INTS9: variants seen among roughly 807,000 people sequenced by gnomAD.
The protein encoded by INTS9 is protein related to CPSF subunits of 74 kDa.
A neutral mutation model predicts 79.7 loss-of-function variants in INTS9; 55 were observed. The ratio of observed to expected loss-of-function variants is 0.69; its 90% CI spans 0.56 to 0.86. The LOEUF (loss-of-function observed/expected upper bound fraction) is 0.86. INTS9 is among the 40% of genes least tolerant of loss of function. INTS9 has a pLI of 0.00. For synonymous variants in INTS9, 319 were observed against 325.2 expected, an observed-to-expected ratio of 0.98 and a Z score of 0.20; for missense variants, 721 against 831.5, an observed-to-expected ratio of 0.87 and a Z score of 1.64.
Position 28,768,101 on chromosome 8 carries a change from A to G in INTS9, c.*45T>C, listed in dbSNP as rs1156468145. Reference sequence around the variant, plus strand: ...CCTCAGGTGGCTTGTGAGGGCAGCCAGTGAGGGACTGCAGGATTTCAGGGA... The same window carrying G: ...CCTCAGGTGGCTTGTGAGGGCAGCCGGTGAGGGACTGCAGGATTTCAGGGA... On this transcript the variant is annotated 3_prime_UTR_variant, in exon 17 of 17. Coordinates refer to ENST00000521022, the MANE Select transcript of INTS9 (RefSeq NM_018250.4). 3 of 1,585,760 alleles carry G rather than the reference A, an allele frequency of 1.9e-6. No individual in the cohort carries two copies. Among genetic ancestry groups the G allele is most frequent in the African/African-American group, 1.3e-5 (1 of 74,454 alleles).
At chr8:28,860,781 C>A (rs1372022544) in intron 1 of INTS9, among the ~76,000 whole-genome samples, 1 of 152,180 alleles carries the variant, frequency 6.6e-6, no homozygotes, top group Non-Finnish European at 1.5e-5. Flanking sequence ...GGCGCCCGAC[C>A]CTCTCCTGAT....
At chr8:28,872,125 G>T (rs1426575383) in intron 1 of INTS9, among the ~76,000 whole-genome samples, 1 of 152,076 alleles carries the variant, frequency 6.6e-6, no homozygotes, top group Non-Finnish European at 1.5e-5. Context: ...TTACTCTATG[G>T]GTAAAAACTA....
chr8:28,812,207 G>T (rs895845791), intron 8 of INTS9, 120 bp downstream of exon 8: 1 of 990,710 alleles, frequency 1.0e-6, no homozygotes, highest in Non-Finnish European at 1.5e-6. Flanking sequence ...CTTGGCTAGA[G>T]AGTATCTGTA....
intron 6 of INTS9, among the ~76,000 whole-genome samples, chr8:28,833,489 A>AAC (rs1806619083): frequency 6.6e-6 from 1 of 151,868 alleles, no homozygotes; most frequent in Non-Finnish European, 1.5e-5. Flanking sequence ...GTGTGGTTGC[A>AAC]CACACCTGCA....
intron 10 of INTS9, chr8:28,793,596 C>T (rs1393053981): frequency 8.4e-6 from 4 of 474,808 alleles, no homozygotes; most frequent in African/African-American, 5.8e-5. Context: ...AAGTCTCTGC[C>T]TTGCATTCTT....
chr8:28,808,379 G>A (rs1231561101), intron 8 of INTS9, among the ~76,000 whole-genome samples: 1 of 152,036 alleles, frequency 6.6e-6, no homozygotes, highest in Non-Finnish European at 1.5e-5. Flanking sequence ...TTTTAGTAGA[G>A]ATGGGGTTTC....
Position 28,833,977 on chromosome 8 carries a change from T to C in INTS9, c.488+1315A>G, listed in dbSNP as rs564582002. ...ATTGTTAAGGACTTCCCCATTCCCA[T>C]AGCCAAGGGCCTTATCTCCATTTTA... On this transcript the variant is annotated intron_variant, in intron 6 of 16. Coordinates refer to ENST00000521022, the MANE Select transcript of INTS9 (RefSeq NM_018250.4). Among the ~76,000 whole-genome samples the C allele has an allele frequency of 3.3e-5, 5 of 152,294 alleles. No homozygotes were observed. In the South Asian group the frequency reaches 6.2e-4, roughly 19 times the overall value.
At chr8:28,794,670 A>G (rs1161256173) in intron 9 of INTS9, among the ~76,000 whole-genome samples, 1 of 152,224 alleles carries the variant, frequency 6.6e-6, no homozygotes, top group Non-Finnish European at 1.5e-5. Context: ...CAGTTACATG[A>G]AAAGAATGAA....
At chr8:28,834,896 C>CAT (rs1806713006) in intron 6 of INTS9, among the ~76,000 whole-genome samples, 1 of 152,136 alleles carries the variant, frequency 6.6e-6, no homozygotes, top group Non-Finnish European at 1.5e-5. Context: ...AGGCTGGTCT[C>CAT]AAACTCCCAA....
rs116547778 is a variant in INTS9 at position 28,835,408 on chromosome 8, C to A, written c.402-30G>T. The stretch of plus-strand genomic sequence containing the variant: ...GTTTAAACAAAACAAGTGAGGAACA[C>A]CCATTAAAAAATTAGAGAAACACCC... On this transcript the variant is annotated intron_variant, in intron 5 of 16. Coordinates refer to ENST00000521022, the MANE Select transcript of INTS9 (RefSeq NM_018250.4). 8.7e-4 allele frequency: 1,365 copies of A among 1,566,292 alleles called. 6 individuals are homozygous for A. The African/African-American group carries it at 0.016, about 18-fold the overall frequency.
chr8:28,808,547 G>A (rs1437635900), intron 8 of INTS9, among the ~76,000 whole-genome samples: 2 of 152,082 alleles, frequency 1.3e-5, no homozygotes, highest in African/African-American at 4.8e-5. Flanking sequence ...CCCAGTTCCA[G>A]CCCCATATTT....
chr8:28,800,000 C>T (rs1211675407), intron 8 of INTS9, among the ~76,000 whole-genome samples: 1 of 152,178 alleles, frequency 6.6e-6, no homozygotes, highest in Non-Finnish European at 1.5e-5. Flanking sequence ...CTCTCCCTTC[C>T]CCTATACCAA....
At chr8:28,842,896 T>C (rs909735670) in intron 4 of INTS9, among the ~76,000 whole-genome samples, 1 of 152,184 alleles carries the variant, frequency 6.6e-6, no homozygotes, top group Admixed American at 6.6e-5. Context: ...GACAGTCCTT[T>C]CCATAGAGTA....
At chr8:28,789,900 C>G (rs1470217930) in intron 10 of INTS9, among the ~76,000 whole-genome samples, 1 of 149,878 alleles carries the variant, frequency 6.7e-6, no homozygotes, top group Non-Finnish European at 1.5e-5. Flanking sequence ...ACCAACCAAC[C>G]AACACTCCAA....
rs1001656619 is a variant in INTS9, at chr8:28,804,427, G to A, written c.745-7772C>T. Among the ~76,000 whole-genome samples, 6 of 152,090 alleles carry A rather than the reference G, an allele frequency of 3.9e-5. No individual in the cohort carries two copies. The South Asian group carries it at 8.3e-4, about 21-fold the overall frequency. ...CCCTTTGTCCTTTTTTCTTTCCTCC[G>A]TATTACAGTTGGCAGATTGTGGAAG... On this transcript the variant is annotated intron_variant, in intron 8 of 16. Coordinates refer to ENST00000521022, the MANE Select transcript of INTS9 (RefSeq NM_018250.4).
intron 4 of INTS9, 23 bp from the exon 5 acceptor site, chr8:28,837,799 A>C: frequency 6.2e-7 from 1 of 1,606,194 alleles, no homozygotes; most frequent in Non-Finnish European, 8.5e-7. Context: ...GGAGGGAATG[A>C]TATATATCTG....
At chr8:28,887,738 C>A (rs1810243931) in intron 1 of INTS9, among the ~76,000 whole-genome samples, 1 of 152,186 alleles carries the variant, frequency 6.6e-6, no homozygotes, top group African/African-American at 2.4e-5. Flanking sequence ...TATCTATCAA[C>A]TACCAAATAA....
chr8:28,868,149 A>G (rs1425483349), intron 1 of INTS9, among the ~76,000 whole-genome samples: 1 of 152,242 alleles, frequency 6.6e-6, no homozygotes, highest in Non-Finnish European at 1.5e-5. Flanking sequence ...TGAATTGGTA[A>G]GAATGCAGAT....
chr8:28,791,612 T>C (rs1470359491), intron 10 of INTS9, among the ~76,000 whole-genome samples: 1 of 152,196 alleles, frequency 6.6e-6, no homozygotes, highest in Non-Finnish European at 1.5e-5. Context: ...ACCATACAGA[T>C]ATACGTAGGT....
Sources: allele counts gnomAD v4.1 joint callset (sites outside exome capture counted in the v4.1 genomes callset), GRCh38; gene constraint gnomAD v4.1.1; transcripts MANE v1.5; gene names NCBI Gene and HGNC (gene_info 2026-07-23, HGNC 2026-07-21).